The following THSD4 variants were observed in gnomAD, a reference collection of about 807,000 sequenced individuals.
THSD4 encodes the protein thrombospondin type-1 domain-containing protein 4.
Under a neutral mutation model 119.0 loss-of-function variants are expected in THSD4, and 69 were observed. The observed-to-expected ratio is 0.58, with a 90% CI of 0.48 to 0.71. The LOEUF (loss-of-function observed/expected upper bound fraction) is 0.71, where lower values mean the gene tolerates loss of function less well. THSD4 is among the 30% of genes least tolerant of loss of function. THSD4 has a pLI of 0.00. For synonymous variants in THSD4, 524 were observed against 540.4 expected (o/e 0.97, Z 0.42); for missense variants, 1,393 against 1,391.1 (o/e 1.00, Z -0.02).
At chr15:71,236,509 T>C (rs1406332246) in intron 4 of THSD4, among the ~76,000 whole-genome samples, 1 of 152,242 alleles carries the variant, frequency 6.6e-6, no homozygotes, top group Non-Finnish European at 1.5e-5. Context: ...AGGAGGTGGC[T>C]TTGTCCTCAG....
At chr15:71,485,197 A>G (rs1009020023) in intron 7 of THSD4, among the ~76,000 whole-genome samples, 1 of 152,084 alleles carries the variant, frequency 6.6e-6, no homozygotes, top group Non-Finnish European at 1.5e-5. Flanking sequence ...CTGTATATGT[A>G]TTTCTGTTCT....
intron 8 of THSD4, among the ~76,000 whole-genome samples, chr15:71,727,549 AAAAAATATATATATATATATAT>A (rs1261565343): frequency 1.3e-4 from 14 of 108,538 alleles, no homozygotes; most frequent in Middle Eastern, 4.2e-3. Flanking sequence ...AAAAAAAAAA[AAAAAATATATATATATATATAT>A]ATATATATAT....
intron 6 of THSD4, among the ~76,000 whole-genome samples, chr15:71,395,978 G>A (rs982508796): frequency 6.9e-6 from 1 of 145,108 alleles, no homozygotes; most frequent in African/African-American, 2.6e-5. Flanking sequence ...TGAGCACATG[G>A]CCTGTTGTTC....
chr15:71,677,085 C>T (rs1419320493), intron 8 of THSD4, among the ~76,000 whole-genome samples: 2 of 152,244 alleles, frequency 1.3e-5, no homozygotes, highest in Admixed American at 6.5e-5. Flanking sequence ...AATGTCTCCA[C>T]ATTCTCGCCA....
chr15:71,391,455 A>G (rs576788217), intron 6 of THSD4, among the ~76,000 whole-genome samples: 1 of 152,298 alleles, frequency 6.6e-6, no homozygotes, highest in East Asian at 1.9e-4. Flanking sequence ...CTAAGATTAT[A>G]GGTGTGAGCC....
rs78042253 is a variant in THSD4, at chr15:71,456,125, C to T, written c.1152+44302C>T. 5.9e-5 allele frequency among the ~76,000 whole-genome samples: 9 copies of T among 152,318 alleles called. No individual in the cohort carries two copies. The East Asian group carries it at 1.7e-3, about 29-fold the overall frequency. On this transcript the variant is annotated intron_variant, in intron 7 of 17. Transcript: ENST00000261862. ...TTGGGTATAAGGAAAGAACTTTTCT[C>T]TTCCTCTCTTTTCCTCTTGTGGTTT...
chr15:71,259,399 T>C (rs568979745), intron 6 of THSD4, among the ~76,000 whole-genome samples: 1 of 152,332 alleles, frequency 6.6e-6, no homozygotes, highest in Admixed American at 6.5e-5. Context: ...TATTTTGTCA[T>C]GCAGCTCTAG....
intron 7 of THSD4, among the ~76,000 whole-genome samples, chr15:71,649,370 G>A (rs1024338804): frequency 3.3e-5 from 5 of 151,988 alleles, no homozygotes; most frequent in African/African-American, 1.2e-4. Flanking sequence ...GCCTCCTGGG[G>A]TCAAGCCATT....
At chr15:71,773,654 C>T (rs1451139333) in intron 17 of THSD4, among the ~76,000 whole-genome samples, 2 of 152,160 alleles carry the variant, frequency 1.3e-5, no homozygotes, top group Non-Finnish European at 2.9e-5. Context: ...GATGTCCAGG[C>T]CACAAGCCAG....
At chr15:71,232,410 G>T (rs1449251009) in intron 4 of THSD4, among the ~76,000 whole-genome samples, 1 of 152,150 alleles carries the variant, frequency 6.6e-6, no homozygotes, top group East Asian at 1.9e-4. Flanking sequence ...TAGTCTCAGG[G>T]ATCATGCACA....
At chr15:71,190,182 A>G (rs778809840) in intron 3 of THSD4, among the ~76,000 whole-genome samples, 1 of 152,184 alleles carries the variant, frequency 6.6e-6, no homozygotes, top group Non-Finnish European at 1.5e-5. Flanking sequence ...GCCCATACCA[A>G]TCAAATGGTG....
chr15:71,347,139 G>T (rs1187088574), intron 6 of THSD4, among the ~76,000 whole-genome samples: 2 of 152,124 alleles, frequency 1.3e-5, no homozygotes, highest in Admixed American at 1.3e-4. Flanking sequence ...GTCCCAAAGT[G>T]CTGGGATTAC....
chr15:71,662,207 T>G (rs945032517), intron 8 of THSD4, among the ~76,000 whole-genome samples: 2 of 152,122 alleles, frequency 1.3e-5, no homozygotes, highest in African/African-American at 4.8e-5. Context: ...GAACTCCATA[T>G]TCTACAGCTC....
intron 6 of THSD4, among the ~76,000 whole-genome samples, chr15:71,279,452 G>A (rs2044627290): frequency 6.6e-6 from 1 of 152,208 alleles, no homozygotes; most frequent in South Asian, 2.1e-4. Flanking sequence ...CACCCTTGGT[G>A]ATAAATGGCA....
At chr15:71,412,658 C>A (rs1252907062) in intron 7 of THSD4, among the ~76,000 whole-genome samples, 1 of 152,022 alleles carries the variant, frequency 6.6e-6, no homozygotes, top group Non-Finnish European at 1.5e-5. Context: ...CCTGGAAGTT[C>A]CTATTATAGT....
At chr15:71,378,454 T>G (rs1269588029) in intron 6 of THSD4, among the ~76,000 whole-genome samples, 1 of 152,194 alleles carries the variant, frequency 6.6e-6, no homozygotes, top group Non-Finnish European at 1.5e-5. Flanking sequence ...AACAATCAAT[T>G]ACCAACCACT....
intron 7 of THSD4, among the ~76,000 whole-genome samples, chr15:71,459,131 C>G (rs1427168762): frequency 6.7e-6 from 1 of 150,172 alleles, no homozygotes; most frequent in Non-Finnish European, 1.5e-5. Context: ...TGAGTAGTAT[C>G]AGCCTTTTCT....
intron 7 of THSD4, among the ~76,000 whole-genome samples, chr15:71,645,574 C>T (rs533458669): frequency 6.6e-6 from 1 of 152,240 alleles, no homozygotes; most frequent in East Asian, 1.9e-4. Flanking sequence ...GTTTTAGATT[C>T]CCTTTCTGAT....
At chr15:71,483,233 A>G (rs1157350021) in intron 7 of THSD4, among the ~76,000 whole-genome samples, 1 of 152,204 alleles carries the variant, frequency 6.6e-6, no homozygotes, top group Non-Finnish European at 1.5e-5. Context: ...CCTCAGACTG[A>G]TTACGCAGTC....
Sources: allele counts gnomAD v4.1 joint callset (sites outside exome capture counted in the v4.1 genomes callset), GRCh38; gene constraint gnomAD v4.1.1; transcripts MANE v1.5; gene names NCBI Gene and HGNC (gene_info 2026-07-23, HGNC 2026-07-21).